Variants in ADGRB1 observed in about 807,000 individuals in gnomAD.
ADGRB1 encodes the protein adhesion G protein-coupled receptor B1, also known as brain-specific angiogenesis inhibitor 1.
A neutral mutation model predicts 175.7 loss-of-function variants in ADGRB1; 36 were observed. That is an observed-to-expected ratio of 0.20 (90% confidence interval 0.16 to 0.27). ADGRB1 has a LOEUF of 0.27. Among genes scored for constraint, ADGRB1 ranks in the 10% least tolerant of loss-of-function variants. The probability of loss-of-function intolerance (pLI) is 1.00; values close to 1 mark genes in which losing one functional copy is unlikely to be tolerated. For missense variants in ADGRB1, 1,731 were observed against 2,255.3 expected (o/e 0.77, Z 4.71); for synonymous variants, 1,054 against 979.4 (o/e 1.08, Z -1.42).
rs762738717 is a variant in ADGRB1 at position 142,543,561 on chromosome 8, C to A, written c.4450-40C>A. The A allele has an allele frequency of 1.3e-6, 2 of 1,574,026 alleles. No homozygotes were observed. Among genetic ancestry groups the A allele is most frequent in the Non-Finnish European group, 1.7e-6 (2 of 1,158,898 alleles). ...GGGCAGGCAGGATGGGCCATGCCCTCCTCCTGGCCCAGGACTCACTGCCCA... is the reference window on the plus strand; with the variant it reads ...GGGCAGGCAGGATGGGCCATGCCCTACTCCTGGCCCAGGACTCACTGCCCA... On this transcript the variant is annotated intron_variant, in intron 29 of 30. Transcript: ENST00000517894. This position sits in a 1 kb window ranked among gnomAD's most constrained non-coding sequence, Gnocchi z 4.4.
chr8:142,478,444 G>T, intron 7 of ADGRB1, 84 bp downstream of exon 7: 1 of 1,405,800 alleles, frequency 7.1e-7, no homozygotes, highest in Non-Finnish European at 9.5e-7. Flanking sequence ...AGCGGGTGGG[G>T]GTAACCATGG....
At chr8:142,458,134 C>A (rs1400357670) in intron 1 of ADGRB1, among the ~76,000 whole-genome samples, 1 of 152,038 alleles carries the variant, frequency 6.6e-6, no homozygotes, top group Non-Finnish European at 1.5e-5. Flanking sequence ...GGGGAGGGGA[C>A]GCAGGAGGCC....
At position 142,542,435 on chromosome 8, in the gene ADGRB1, G is replaced by T; in HGVS notation, c.4201G>T (p.Gly1401Cys). Reference sequence around the variant, plus strand: ...CCCGCCCTCCCGCCAGCCCCCCAGCGGCGGGCCCCCCGAGGCACCCCCTGC... The same window carrying T: ...CCCGCCCTCCCGCCAGCCCCCCAGCTGCGGGCCCCCCGAGGCACCCCCTGC... The part of the protein sequence containing the change: ...RSPPSRQPPS[G>C]GPPEAPPAQP... Residue 1401 changes from glycine (G) to cysteine (C), a missense_variant, in exon 28 of 31, where the codon GGC becomes TGC. Coordinates refer to ENST00000517894, the MANE Select transcript of ADGRB1 (RefSeq NM_001702.3). This position sits in a 1 kb window ranked among gnomAD's most constrained non-coding sequence, Gnocchi z 6.3. 4 of 1,188,126 alleles carry T rather than the reference G, an allele frequency of 3.4e-6. No individual in the cohort carries two copies. Among genetic ancestry groups the T allele is most frequent in the Non-Finnish European group, 3.2e-6 (3 of 923,538 alleles). The allele number at this position is 1,188,126 out of a possible 1,614,324, so 73.6% of individuals were successfully genotyped here.
chr8:142,532,252 T>G (rs1161629559), intron 24 of ADGRB1, among the ~76,000 whole-genome samples: 5 of 152,186 alleles, frequency 3.3e-5, no homozygotes, highest in African/African-American at 9.7e-5. Context: ...TCCCGAGCAC[T>G]CACCGCAGCC....
intron 13 of ADGRB1, among the ~76,000 whole-genome samples, 175 bp from the exon 14 acceptor site, chr8:142,488,189 T>C (rs1841785824): frequency 6.6e-6 from 1 of 152,140 alleles, no homozygotes; most frequent in African/African-American, 2.4e-5. Context: ...CTCACCGAGG[T>C]TCTGGGGGCT....
chr8:142,456,284 G>A (rs1839676234), intron 1 of ADGRB1, among the ~76,000 whole-genome samples: 1 of 152,250 alleles, frequency 6.6e-6, no homozygotes, highest in Non-Finnish European at 1.5e-5. Context: ...AAAGACGTGT[G>A]CAGACCCAAT....
At chr8:142,478,702 GGT>G (rs1841144559) in intron 7 of ADGRB1, among the ~76,000 whole-genome samples, 1 of 149,164 alleles carries the variant, frequency 6.7e-6, no homozygotes, top group Non-Finnish European at 1.5e-5. Context: ...TGGGACTTGG[GGT>G]GTTTCTGGGG....
rs995697041 is a variant in ADGRB1, at chr8:142,486,007, C to T, written c.2308+1243C>T. ...CTAAAGCCATCATGGGGGCCACCCT[C>T]GCCCTCCCAAAGGCCCCACCACCAA... On this transcript the variant is annotated intron_variant, in intron 13 of 30. Coordinates refer to ENST00000517894, the MANE Select transcript of ADGRB1 (RefSeq NM_001702.3). 3.9e-4 allele frequency among the ~76,000 whole-genome samples: 60 copies of T among 152,164 alleles called. 1 individual carries two copies. Among genetic ancestry groups the T allele is most frequent in the Admixed American group, 3.5e-3 (54 of 15,282 alleles).
chr8:142,499,269 C>T (rs992400695), intron 17 of ADGRB1, among the ~76,000 whole-genome samples: 2 of 152,244 alleles, frequency 1.3e-5, no homozygotes, highest in Admixed American at 6.5e-5. Context: ...TGGGTGACTT[C>T]CCCCTCCTCT....
At chr8:142,513,109 T>A (rs1220580472) in intron 18 of ADGRB1, among the ~76,000 whole-genome samples, 1 of 151,860 alleles carries the variant, frequency 6.6e-6, no homozygotes, top group Middle Eastern at 3.2e-3. Flanking sequence ...CCAGCAGGCA[T>A]GTTGGGTGCC....
intron 13 of ADGRB1, among the ~76,000 whole-genome samples, chr8:142,486,505 T>A (rs558316754): frequency 7.2e-5 from 11 of 152,230 alleles, no homozygotes; most frequent in Admixed American, 7.2e-4. Context: ...AGGTGTCCCA[T>A]CCCCAGGCCT....
At chr8:142,470,082 A>T (rs1190568525) in intron 2 of ADGRB1, among the ~76,000 whole-genome samples, 1 of 152,150 alleles carries the variant, frequency 6.6e-6, no homozygotes, top group Non-Finnish European at 1.5e-5. Context: ...TCCAAGTGCC[A>T]CATGGCCACG....
In ADGRB1 at chr8:142,481,307, C is replaced by T. The variant is rs373956487; in HGVS notation, c.1882C>T (p.Pro628Ser). Residue 628 changes from proline (P) to serine (S), a missense_variant, in exon 10 of 31, where the codon CCC (proline) becomes TCC (serine). This residue lies in a region of ADGRB1 where 388 missense variants were observed against 630.9 expected (regional missense o/e 0.61). Coordinates refer to ENST00000517894, the MANE Select transcript of ADGRB1 (RefSeq NM_001702.3). ...LDEEGIAYWE[P>S]PTYIRCVSID... Reference sequence around the variant, plus strand: ...CGAGGAAGGCATCGCCTACTGGGAGCCCCCCACCTACATCCGCTGTGTTTC... The same window carrying T: ...CGAGGAAGGCATCGCCTACTGGGAGTCCCCCACCTACATCCGCTGTGTTTC... 4.1e-5 allele frequency: 66 copies of T among 1,613,698 alleles called. No individual in the cohort carries two copies. Among genetic ancestry groups the T allele is most frequent in the African/African-American group, 2.7e-5 (2 of 74,924 alleles).
At chr8:142,485,090 G>A (rs1171709451) in intron 13 of ADGRB1, among the ~76,000 whole-genome samples, 1 of 152,222 alleles carries the variant, frequency 6.6e-6, no homozygotes, top group Non-Finnish European at 1.5e-5. Flanking sequence ...GGCAGGGGCT[G>A]TGCAAGCCAC....
intron 17 of ADGRB1, among the ~76,000 whole-genome samples, chr8:142,501,643 G>A (rs1163681571): frequency 1.4e-5 from 2 of 145,220 alleles, no homozygotes; most frequent in East Asian, 2.1e-4. Context: ...TGGGGTGGTG[G>A]TGGTGATGAT....
chr8:142,517,448 G>A (rs1282472502), intron 18 of ADGRB1, among the ~76,000 whole-genome samples: 1 of 152,230 alleles, frequency 6.6e-6, no homozygotes, highest in African/African-American at 2.4e-5. Flanking sequence ...TGCCGCTGTG[G>A]CGGGAGAGGA....
chr8:142,451,565 TGTCGTTTGTGTTGGGGAGG>T (rs1839352419), intron 1 of ADGRB1, among the ~76,000 whole-genome samples: 4 of 151,980 alleles, frequency 2.6e-5, no homozygotes, highest in African/African-American at 4.8e-5. Flanking sequence ...AGGAGCCGCT[TGTCGTTTGTGTTGGGGAGG>T]GAGCTGGGAG....
At chr8:142,451,403 C>T (rs1211905063) in intron 1 of ADGRB1, among the ~76,000 whole-genome samples, 4 of 152,158 alleles carry the variant, frequency 2.6e-5, no homozygotes, top group Non-Finnish European at 5.9e-5. Context: ...ACCCGAAGAG[C>T]CCTAAGCCAG....
chr8:142,531,263 T>C (rs1844606021), intron 24 of ADGRB1, among the ~76,000 whole-genome samples: 1 of 152,240 alleles, frequency 6.6e-6, no homozygotes, highest in Non-Finnish European at 1.5e-5. Flanking sequence ...GGGGTCCTGC[T>C]CTGTGTCAGT....
Sources: gnomAD v4.1 joint callset for allele counts (sites outside exome capture counted in the v4.1 genomes callset) on GRCh38, gnomAD v4.1.1 for gene constraint, gnomAD v4.1.1 regional missense constraint, Gnocchi (gnomAD v3.1) non-coding constraint, MANE v1.5 for transcripts, NCBI Gene and HGNC (gene_info 2026-07-23, HGNC 2026-07-21) for gene names.